Variants in XPNPEP1 observed in about 807,000 individuals in gnomAD.
The protein encoded by XPNPEP1 is xaa-Pro aminopeptidase 1.
XPNPEP1 carries 39 observed loss-of-function variants against 92.4 expected under a neutral mutation model. That is an observed-to-expected ratio of 0.42 (90% CI 0.33 to 0.55). The LOEUF is 0.55. Ranked by LOEUF, XPNPEP1 falls within the 20% of genes least tolerant of loss-of-function variation. The probability of loss-of-function intolerance (pLI) is 0.08; values close to 1 mark genes in which losing one functional copy is unlikely to be tolerated. For missense variants in XPNPEP1, 654 were observed against 856.1 expected (o/e 0.76, Z 2.95); for synonymous variants, 307 against 299.4 (o/e 1.03, Z -0.26).
intron 2 of XPNPEP1, among the ~76,000 whole-genome samples, chr10:109,911,284 C>CT (rs973551222): frequency 2.7e-4 from 41 of 151,686 alleles, no homozygotes; most frequent in African/African-American, 9.7e-4. Flanking sequence ...GAGGGGCATT[C>CT]TTTTTTTTTC....
chr10:109,897,535 G>A (rs548921914), intron 3 of XPNPEP1, among the ~76,000 whole-genome samples: 22 of 152,210 alleles, frequency 1.4e-4, no homozygotes, highest in African/African-American at 5.1e-4. Flanking sequence ...CCTCACAGCA[G>A]CCCTGGAAGG....
At position 109,865,051 on chromosome 10, in the gene XPNPEP1, T is replaced by C; in HGVS notation, c.*133A>G. ...TATCAAAGAGGATAAGAAGATTTTC[T>C]GTTCTTCTTAAAGTCTAAAGTAAAA... On this transcript the variant is annotated 3_prime_UTR_variant, in exon 21 of 21. Transcript: ENST00000502935. 8.0e-7 allele frequency: 1 copy of C among 1,257,840 alleles called. No homozygotes were observed. The highest frequency in any genetic ancestry group is 1.5e-5 in the African/African-American group (1 of 66,816). The allele number at this position is 1,257,840 out of a possible 1,614,324, so 77.9% of individuals were successfully genotyped here. A position where few individuals can be genotyped will look rare whatever the true frequency, so the allele number is the denominator to read the frequency against.
intron 9 of XPNPEP1, chr10:109,883,791 T>G (rs1229952652): frequency 2.7e-6 from 1 of 375,214 alleles, no homozygotes; most frequent in East Asian, 4.5e-5. Context: ...TATATACCCC[T>G]TAACACTGGC....
chr10:109,916,400 A>G (rs1026177754), intron 1 of XPNPEP1, among the ~76,000 whole-genome samples: 6 of 152,216 alleles, frequency 3.9e-5, no homozygotes, highest in Non-Finnish European at 8.8e-5. Flanking sequence ...TGGTTCAGAG[A>G]CAACATCATT....
Position 109,887,637 on chromosome 10 carries a change from C to T in XPNPEP1, c.652+412G>A, listed in dbSNP as rs769331478. Among the ~76,000 whole-genome samples, 5 of 152,152 alleles carry T rather than the reference C, an allele frequency of 3.3e-5. No individual in the cohort carries two copies. In the South Asian group the frequency reaches 1.0e-3, roughly 31 times the overall value. ...CACCCACACCCCAAAGCCTCTAAAG[C>T]AGAAGGTACAAGATGGAGGACAAAG... is the stretch of plus-strand genomic sequence containing the variant. On this transcript the variant is annotated intron_variant, in intron 7 of 20. Coordinates refer to ENST00000502935, the MANE Select transcript of XPNPEP1 (RefSeq NM_020383.4).
chr10:109,913,915 TC>T (rs1183835899), intron 2 of XPNPEP1, among the ~76,000 whole-genome samples: 1 of 152,206 alleles, frequency 6.6e-6, no homozygotes, highest in Admixed American at 6.5e-5. Context: ...TTTCTCTTTT[TC>T]CTCCTTCCTC....
At chr10:109,879,127 AG>A (rs1332326379) in intron 12 of XPNPEP1, among the ~76,000 whole-genome samples, 1 of 151,860 alleles carries the variant, frequency 6.6e-6, no homozygotes, top group African/African-American at 2.4e-5. Context: ...CTGTAGTCCC[AG>A]CTAGTCGGGA....
intron 16 of XPNPEP1, among the ~76,000 whole-genome samples, chr10:109,872,362 A>G (rs1321414465): frequency 6.6e-6 from 1 of 152,358 alleles, no homozygotes; most frequent in East Asian, 1.9e-4. Context: ...TTGCTTCAAC[A>G]GCTGTGCTCC....
intron 3 of XPNPEP1, among the ~76,000 whole-genome samples, chr10:109,906,336 G>A (rs1289377580): frequency 6.6e-6 from 1 of 152,210 alleles, no homozygotes; most frequent in Non-Finnish European, 1.5e-5. Context: ...TATCTTGAAA[G>A]TAAGAGAGGA....
intron 20 of XPNPEP1, among the ~76,000 whole-genome samples, chr10:109,866,450 G>A (rs1254199322): frequency 6.6e-6 from 1 of 152,232 alleles, no homozygotes; most frequent in Non-Finnish European, 1.5e-5. Context: ...CCACAGCAAG[G>A]CCAGCAGGGC....
rs1421719305 is a variant in XPNPEP1, at chr10:109,884,076, T to C, written c.821A>G (p.Glu274Gly). 6.2e-7 allele frequency: 1 copy of C among 1,613,886 alleles called. No individual in the cohort carries two copies. The highest frequency in any genetic ancestry group is 8.5e-7 in the Non-Finnish European group (1 of 1,179,950). ...CAGGGCAAACACTCACATGATCGTCTCTAGTCCTATGATTGCGTAGGAGAA... is the reference window on the plus strand; with the variant it reads ...CAGGGCAAACACTCACATGATCGTCCCTAGTCCTATGATTGCGTAGGAGAA... Reference protein sequence around the residue: ...VFFSYAIIGLETIMLFIDGDR... With the variant: ...VFFSYAIIGLGTIMLFIDGDR... The change falls in exon 9 of 21, where the codon GAG (glutamate) becomes GGG (glycine). Residue 274 changes from glutamate (E) to glycine (G), a missense_variant. Transcript: ENST00000502935.
At chr10:109,895,180 G>A (rs570818133) in intron 3 of XPNPEP1, among the ~76,000 whole-genome samples, 1 of 152,346 alleles carries the variant, frequency 6.6e-6, no homozygotes, top group Admixed American at 6.5e-5. Flanking sequence ...GGAATACACA[G>A]TGAGGGCACT....
chr10:109,879,536 C>T (rs895495011), intron 12 of XPNPEP1, among the ~76,000 whole-genome samples: 2 of 151,908 alleles, frequency 1.3e-5, no homozygotes, highest in Admixed American at 6.5e-5. Flanking sequence ...CACCACTGCA[C>T]TCCAGCCTGG....
intron 10 of XPNPEP1, 145 bp downstream of exon 10, chr10:109,882,287 A>T (rs1221326742): frequency 1.1e-6 from 1 of 882,196 alleles, no homozygotes. Context: ...GGCTCTTGCT[A>T]TGGCTCCAGC....
intron 3 of XPNPEP1, chr10:109,894,175 G>T (rs1848852159): frequency 1.3e-5 from 2 of 152,294 alleles, no homozygotes; most frequent in South Asian, 4.1e-4. Flanking sequence ...GGCATTTTTA[G>T]GACAGTCAAC....
rs758200161 is a variant in XPNPEP1, at chr10:109,907,736, G to A, written c.201C>T (p.Thr67=). The change falls in exon 3 of 21, where the codon ACC becomes ACT. Residue 67 remains threonine (T), a synonymous_variant. Coordinates refer to ENST00000502935, the MANE Select transcript of XPNPEP1 (RefSeq NM_020383.4). ...RQAMRNSEYV[T]EPIQAYIIPS... is the part of the protein sequence containing the mutation. ...GGATGATGTAGGCCTGGATCGGTTC[G>A]GTCACATACTCAGAGTTCCTCATGG... is the stretch of plus-strand genomic sequence containing the variant. The A allele has an allele frequency of 1.1e-5, 18 of 1,614,080 alleles. No homozygotes were observed. In the Admixed American group the frequency reaches 1.2e-4, roughly 10 times the overall value.
chr10:109,919,305 T>C (rs1355068925), intron 1 of XPNPEP1, among the ~76,000 whole-genome samples: 1 of 152,176 alleles, frequency 6.6e-6, no homozygotes, highest in Non-Finnish European at 1.5e-5. Context: ...TATAACCCAA[T>C]TTTAAATGGG....
At chr10:109,887,011 T>C (rs973546788) in intron 7 of XPNPEP1, among the ~76,000 whole-genome samples, 2 of 152,128 alleles carry the variant, frequency 1.3e-5, no homozygotes, top group African/African-American at 4.8e-5. Context: ...GCTCACCCCA[T>C]TGCCACCACA....
At chr10:109,906,902 C>G (rs1035817327) in intron 3 of XPNPEP1, among the ~76,000 whole-genome samples, 2 of 152,192 alleles carry the variant, frequency 1.3e-5, no homozygotes, top group African/African-American at 4.8e-5. Context: ...ATCTTCCCCT[C>G]TCACCCTCAA....
Sources: allele counts gnomAD v4.1 joint callset (sites outside exome capture counted in the v4.1 genomes callset), GRCh38; gene constraint gnomAD v4.1.1; transcripts MANE v1.5; gene names NCBI Gene and HGNC (gene_info 2026-07-23, HGNC 2026-07-21).